Variants in PDE8B observed in about 807,000 individuals in gnomAD.
PDE8B encodes phosphodiesterase 8B, also known as high affinity cAMP-specific and IBMX-insensitive 3',5'-cyclic phosphodiesterase 8B.
PDE8B carries 26 observed loss-of-function variants against 101.3 expected under a neutral mutation model. The observed-to-expected ratio is 0.26, with a 90% CI of 0.19 to 0.36. The LOEUF is 0.36. Ranked by LOEUF, PDE8B falls within the 10% of genes least tolerant of loss-of-function variation. PDE8B has a pLI of 1.00. For missense variants in PDE8B, 810 were observed against 1,163.1 expected, an observed-to-expected ratio of 0.70 and a Z score of 4.42; for synonymous variants, 424 against 429.3, an observed-to-expected ratio of 0.99 and a Z score of 0.15.
the PDE8B span, chr5:77,104,525 G>C: frequency 1.3e-5 from 2 of 152,070 alleles, no homozygotes; most frequent in Admixed American, 1.3e-4. Context: ...GCCATGTGAG[G>C]ACTCAATGAT....
chr5:77,336,729 T>C (rs1480869692), intron 5 of PDE8B, among the ~76,000 whole-genome samples: 1 of 152,228 alleles, frequency 6.6e-6, no homozygotes, highest in Non-Finnish European at 1.5e-5. Context: ...TCAGTTCTTT[T>C]GAGTATATAC....
intron 16 of PDE8B, 21 bp downstream of exon 16, chr5:77,412,256 A>G: frequency 6.2e-7 from 1 of 1,612,804 alleles, no homozygotes; most frequent in Non-Finnish European, 8.5e-7. Context: ...TCTCTGGCTG[A>G]AGGCAGAGCA....
rs335614 is a variant in PDE8B at position 77,413,162 on chromosome 5, A to G, written c.1764A>G (p.Glu588=). The G allele has an allele frequency of 0.66, 1,068,978 of 1,613,320 alleles. 356,893 individuals carry two copies. Among genetic ancestry groups the G allele is most frequent in the East Asian group, 0.82 (36,749 of 44,858 alleles). Residue 588 remains glutamate, a synonymous_variant, in exon 17 of 22, where the codon GAA becomes GAG. Coordinates refer to ENST00000264917, the MANE Select transcript of PDE8B (RefSeq NM_003719.5). ...TCTTCTCTCGGTTTGGAGTATGTGA[A>G]TTTTTAAACTGTTCTGAAACCACTC... ...LKVFSRFGVC[E]FLNCSETTLR...
At chr5:77,408,824 G>C in intron 13 of PDE8B, 69 bp from the exon 14 acceptor site, 1 of 1,238,754 alleles carries the variant, frequency 8.1e-7, no homozygotes, top group Non-Finnish European at 1.2e-6. Flanking sequence ...TTGGATTCTG[G>C]GCATATATAT....
chr5:77,404,707 C>T lies in PDE8B; in HGVS notation c.1211-13C>T, dbSNP rs1198211288. On this transcript the variant is annotated splice_polypyrimidine_tract_variant and intron_variant, in intron 11 of 21. Coordinates refer to ENST00000264917, the MANE Select transcript of PDE8B (RefSeq NM_003719.5). ...AAACTAATCACCTTCCCTTTCTAAT[C>T]TGAAATCCTTAGAGCCTCATTCATT... is the stretch of plus-strand genomic sequence containing the variant. 1 of 1,524,900 alleles carries T rather than the reference C, an allele frequency of 6.6e-7. No individual in the cohort carries two copies. Among genetic ancestry groups the T allele is most frequent in the Admixed American group, 1.7e-5 (1 of 59,904 alleles). The allele number at this position is 1,524,900 out of a possible 1,614,324, so 94.5% of individuals were successfully genotyped here. A position where few individuals can be genotyped will look rare whatever the true frequency, so the allele number is the denominator to read the frequency against.
intron 1 of PDE8B, chr5:77,291,823 C>T (rs1218099771): frequency 6.4e-7 from 1 of 1,552,488 alleles, no homozygotes; most frequent in Non-Finnish European, 8.9e-7. Flanking sequence ...AGATGAACAT[C>T]CCTTAATTTG....
At chr5:77,423,766 A>G (rs1156997085) in intron 20 of PDE8B, among the ~76,000 whole-genome samples, 1 of 148,372 alleles carries the variant, frequency 6.7e-6, no homozygotes, top group Admixed American at 6.8e-5. Context: ...CCTCCCAAGT[A>G]GCTGGGACTA....
chr5:77,370,043 C>T (rs1229228651), intron 10 of PDE8B, among the ~76,000 whole-genome samples: 1 of 152,154 alleles, frequency 6.6e-6, no homozygotes, highest in Non-Finnish European at 1.5e-5. Context: ...ATATACATCC[C>T]TCTGTACATC....
chr5:77,233,654 C>CTGTGTG (rs72346580), intron 1 of PDE8B, among the ~76,000 whole-genome samples: 4,350 of 138,262 alleles, frequency 0.031, 99 homozygotes, highest in East Asian at 0.1. Context: ...CCCTGAAGCT[C>CTGTGTG]TGTGTGTGTG....
intron 10 of PDE8B, among the ~76,000 whole-genome samples, chr5:77,375,847 T>G (rs1031546258): frequency 1.3e-4 from 19 of 151,876 alleles, no homozygotes; most frequent in African/African-American, 3.6e-4. Flanking sequence ...TTGCCCCTTT[T>G]TAGGGTACAG....
chr5:77,153,475 G>T, the PDE8B span, among the ~76,000 whole-genome samples: 369 of 152,212 alleles, frequency 2.4e-3, 3 homozygotes, highest in African/African-American at 8.5e-3. Flanking sequence ...AGGTTCTAGG[G>T]GGAGGGCTGG....
At chr5:77,254,111 G>A (rs1195303490) in intron 1 of PDE8B, among the ~76,000 whole-genome samples, 1 of 151,746 alleles carries the variant, frequency 6.6e-6, no homozygotes, top group Non-Finnish European at 1.5e-5. Context: ...ACGATGTTCT[G>A]TTCAGATCTA....
At chr5:77,246,142 A>G (rs1349233798) in intron 1 of PDE8B, among the ~76,000 whole-genome samples, 1 of 152,128 alleles carries the variant, frequency 6.6e-6, no homozygotes, top group Non-Finnish European at 1.5e-5. Flanking sequence ...ATGAGCCATC[A>G]TGCCCTGCCC....
the PDE8B span, among the ~76,000 whole-genome samples, chr5:77,189,021 A>G: frequency 6.6e-6 from 1 of 152,194 alleles, no homozygotes; most frequent in East Asian, 1.9e-4. Context: ...TTTCTCCCCT[A>G]AGCCCTTCCC....
At chr5:77,310,414 T>C (rs991311511) in intron 1 of PDE8B, among the ~76,000 whole-genome samples, 1 of 152,388 alleles carries the variant, frequency 6.6e-6, no homozygotes, top group South Asian at 2.1e-4. Context: ...AGAGTTGCTC[T>C]TGGGGCTGTG....
At chr5:77,087,158 C>G in the PDE8B span, 1 of 152,466 alleles carries the variant, frequency 6.6e-6, no homozygotes, top group African/African-American at 2.4e-5. Flanking sequence ...GTCGGGAGTC[C>G]GAGATGGTAG....
intron 11 of PDE8B, among the ~76,000 whole-genome samples, chr5:77,401,862 C>T (rs575128536): frequency 6.6e-6 from 1 of 152,290 alleles, no homozygotes; most frequent in South Asian, 2.1e-4. Flanking sequence ...TTAATCACTT[C>T]TATTGCTATA....
the PDE8B span, among the ~76,000 whole-genome samples, chr5:77,186,703 A>G: frequency 2.0e-5 from 3 of 152,166 alleles, no homozygotes; most frequent in African/African-American, 7.2e-5. Context: ...GGCCTCCATG[A>G]TTGGAGCAAG....
At chr5:77,282,123 C>A (rs182829468) in intron 1 of PDE8B, among the ~76,000 whole-genome samples, 1 of 152,210 alleles carries the variant, frequency 6.6e-6, no homozygotes, top group East Asian at 1.9e-4. Context: ...CTGCTAACTG[C>A]CCCGTGGACA....
Sources: gnomAD v4.1 joint callset for allele counts (sites outside exome capture counted in the v4.1 genomes callset) on GRCh38, gnomAD v4.1.1 for gene constraint, MANE v1.5 for transcripts, NCBI Gene and HGNC (gene_info 2026-07-23, HGNC 2026-07-21) for gene names.